Variants in KCNIP4 observed in about 807,000 individuals in gnomAD.
KCNIP4 encodes potassium voltage-gated channel interacting protein 4, also known as Kv channel-interacting protein 4.
KCNIP4 carries 12 observed loss-of-function variants against 34.0 expected under a neutral mutation model. That is an observed-to-expected ratio of 0.35 (90% CI 0.23 to 0.57). The LOEUF is 0.57. Ranked by LOEUF, KCNIP4 falls within the 20% of genes least tolerant of loss-of-function variation. The pLI, the probability that KCNIP4 is intolerant of heterozygous loss-of-function variation, is 0.83. For missense variants in KCNIP4, 238 were observed against 311.7 expected (o/e 0.76, Z 1.78); for synonymous variants, 124 against 102.2 (o/e 1.21, Z -1.29).
At chr4:20,904,331 G>GTATATATA (rs775475074) in intron 1 of KCNIP4, among the ~76,000 whole-genome samples, 5 of 143,652 alleles carry the variant, frequency 3.5e-5, no homozygotes, top group Admixed American at 7.0e-5. Context: ...GTGTGTGTGT[G>GTATATATA]TATATATATA....
chr4:21,065,227 T>C lies in KCNIP4; in HGVS notation c.62-182518A>G, dbSNP rs186395500. Among the ~76,000 whole-genome samples, 586 of 151,922 alleles carry C rather than the reference T, an allele frequency of 3.9e-3. 2 individuals are homozygous for C. Among genetic ancestry groups the C allele is most frequent in the Middle Eastern group, 0.014 (4 of 292 alleles). ...GCAGCTTGTGGTGAACGTACAAGTG[T>C]CTTAAAATAATCGAGTGTCCCTACA... On this transcript the variant is annotated intron_variant, in intron 1 of 8. Transcript: ENST00000382152.
At chr4:21,025,790 G>T (rs1740511391) in intron 1 of KCNIP4, among the ~76,000 whole-genome samples, 1 of 151,926 alleles carries the variant, frequency 6.6e-6, no homozygotes, top group Non-Finnish European at 1.5e-5. Flanking sequence ...TCCTGACCAG[G>T]CTATCTGCCT....
chr4:21,752,264 T>C (rs1243202314), intron 1 of KCNIP4, among the ~76,000 whole-genome samples: 2 of 152,128 alleles, frequency 1.3e-5, no homozygotes, highest in South Asian at 2.1e-4. Flanking sequence ...AAAGGTTTAA[T>C]TGACTCACAT....
intron 4 of KCNIP4, among the ~76,000 whole-genome samples, chr4:20,750,774 T>A (rs1377726636): frequency 6.6e-6 from 1 of 152,218 alleles, no homozygotes; most frequent in African/African-American, 2.4e-5. Flanking sequence ...CCTTTTATCT[T>A]AACCTTTTTT....
intron 1 of KCNIP4, among the ~76,000 whole-genome samples, chr4:21,459,998 T>C (rs1358540926): frequency 6.6e-6 from 1 of 151,844 alleles, no homozygotes; most frequent in African/African-American, 2.4e-5. Context: ...CAAACGCAAA[T>C]TGGATGATAT....
chr4:21,491,134 C>A (rs1329547635), intron 1 of KCNIP4, among the ~76,000 whole-genome samples: 1 of 151,988 alleles, frequency 6.6e-6, no homozygotes, highest in Non-Finnish European at 1.5e-5. Flanking sequence ...AGCTAGTGAC[C>A]AATCTCCTTT....
chr4:21,906,495 G>T (rs1728010296), intron 1 of KCNIP4, among the ~76,000 whole-genome samples: 3 of 152,168 alleles, frequency 2.0e-5, no homozygotes, highest in Non-Finnish European at 4.4e-5. Flanking sequence ...CCCACAGCCT[G>T]CCAGGGAGGA....
chr4:21,070,278 T>C (rs1744771985), intron 1 of KCNIP4, among the ~76,000 whole-genome samples: 1 of 152,178 alleles, frequency 6.6e-6, no homozygotes, highest in South Asian at 2.1e-4. Context: ...CGATTAAAAA[T>C]AAACTGCTGT....
chr4:21,848,869 C>T (rs938654482), intron 1 of KCNIP4: 1 of 151,794 alleles, frequency 6.6e-6, no homozygotes, highest in African/African-American at 2.4e-5. Context: ...GCTAAGAATA[C>T]ATGTGGGTTC....
intron 1 of KCNIP4, among the ~76,000 whole-genome samples, chr4:21,290,416 C>T (rs1435590981): frequency 6.6e-6 from 1 of 152,110 alleles, no homozygotes; most frequent in Non-Finnish European, 1.5e-5. Flanking sequence ...AAAAAAGCTA[C>T]ATAAACACAT....
intron 1 of KCNIP4, among the ~76,000 whole-genome samples, chr4:21,218,017 AT>A (rs201671894): frequency 6.2e-5 from 9 of 144,788 alleles, no homozygotes; most frequent in Non-Finnish European, 1.4e-4. Context: ...TTATTTATTT[AT>A]TATTATTATT....
chr4:21,738,747 C>T (rs1251002124), intron 1 of KCNIP4, among the ~76,000 whole-genome samples: 1 of 152,116 alleles, frequency 6.6e-6, no homozygotes, highest in Non-Finnish European at 1.5e-5. Flanking sequence ...ATGCATTTGT[C>T]TGGCCATTTC....
At chr4:20,894,847 A>G (rs1317905955) in intron 1 of KCNIP4, among the ~76,000 whole-genome samples, 2 of 152,218 alleles carry the variant, frequency 1.3e-5, no homozygotes, top group African/African-American at 4.8e-5. Context: ...TTGTTCTAAG[A>G]AAAGATGCAG....
chr4:21,882,765 A>T (rs1042790249), intron 1 of KCNIP4, among the ~76,000 whole-genome samples: 1 of 152,126 alleles, frequency 6.6e-6, no homozygotes, highest in Admixed American at 6.6e-5. Flanking sequence ...AAATGCATGG[A>T]GAGCTCATCA....
At chr4:20,934,696 AC>A (rs1730864373) in intron 1 of KCNIP4, among the ~76,000 whole-genome samples, 1 of 152,266 alleles carries the variant, frequency 6.6e-6, no homozygotes, top group African/African-American at 2.4e-5. Context: ...GGAGAAATAA[AC>A]AAAAAATAAG....
chr4:21,403,021 C>T (rs913454350), intron 1 of KCNIP4, among the ~76,000 whole-genome samples: 2 of 152,096 alleles, frequency 1.3e-5, no homozygotes, highest in Admixed American at 6.5e-5. Context: ...TGGTCTACAC[C>T]ACTCTATTGT....
intron 1 of KCNIP4, among the ~76,000 whole-genome samples, chr4:21,739,290 A>G (rs984852432): frequency 2.0e-5 from 3 of 152,122 alleles, no homozygotes; most frequent in African/African-American, 7.2e-5. Context: ...AATATGCACT[A>G]ACATTTGCTC....
chr4:21,609,636 TAAC>T, intron 1 of KCNIP4, among the ~76,000 whole-genome samples: 1 of 152,170 alleles, frequency 6.6e-6, no homozygotes, highest in East Asian at 1.9e-4. Context: ...TGATATTTCT[TAAC>T]AAGATATCCT....
intron 1 of KCNIP4, among the ~76,000 whole-genome samples, chr4:21,027,476 C>T (rs2149758366): frequency 6.6e-6 from 1 of 151,764 alleles, no homozygotes; most frequent in East Asian, 1.9e-4. Context: ...ACGAAGGAGA[C>T]GAGGCCACAG....
Sources: gnomAD v4.1 joint callset for allele counts (sites outside exome capture counted in the v4.1 genomes callset) on GRCh38, gnomAD v4.1.1 for gene constraint, MANE v1.5 for transcripts, NCBI Gene and HGNC (gene_info 2026-07-23, HGNC 2026-07-21) for gene names.